Variants in RALYL observed in about 807,000 individuals in gnomAD.
RALYL encodes the protein RALY RNA binding protein like, also known as RNA-binding Raly-like protein.
Under a neutral mutation model 35.1 loss-of-function variants are expected in RALYL, and 29 were observed. The observed-to-expected ratio is 0.83, with a 90% CI of 0.61 to 1.13. The LOEUF (loss-of-function observed/expected upper bound fraction) is 1.13. Ranked by LOEUF, RALYL falls within the 50% of genes most tolerant of loss-of-function variation. The pLI is 0.00. For missense variants in RALYL, 359 were observed against 360.4 expected (o/e 1.00, Z 0.03); for synonymous variants, 120 against 127.6 (o/e 0.94, Z 0.40).
rs371984358 is a variant in RALYL at position 84,823,406 on chromosome 8, T to C, written c.365+18604T>C. Among the ~76,000 whole-genome samples, 107 of 152,252 alleles carry C rather than the reference T, an allele frequency of 7.0e-4. 2 individuals are homozygous for C. The highest frequency in any genetic ancestry group is 2.4e-3 in the African/African-American group (100 of 41,568). ...AACATAAGTCATTCCTTGAAGACTC[T>C]TGAAAGAGAGGAAATAAAAGGCTGC... On this transcript the variant is annotated intron_variant, in intron 4 of 8. Transcript: ENST00000521268.
chr8:84,707,059 C>G lies in RALYL; in HGVS notation c.257-67520C>G, dbSNP rs550044053. Among the ~76,000 whole-genome samples, 4 of 152,140 alleles carry G rather than the reference C, an allele frequency of 2.6e-5. No homozygotes were observed. The South Asian group carries it at 6.2e-4, about 24-fold the overall frequency. On this transcript the variant is annotated intron_variant, in intron 2 of 8. Transcript: ENST00000521268. ...CAGTCACAATTATCCTATCAAAAAG[C>G]CAATAAATCATATAAAGATAATTTT...
rs562400008 is a variant in RALYL, at chr8:84,339,518, C to T, written c.-24+155094C>T. On this transcript the variant is annotated intron_variant, in intron 1 of 8. Transcript: ENST00000521268. ...TAGTTGCAGGAAAACAAGCTGTGGG[C>T]TCCCACTGATTCTACATTATGGTGA... is the stretch of plus-strand genomic sequence containing the variant. 1.1e-3 allele frequency among the ~76,000 whole-genome samples: 166 copies of T among 151,818 alleles called. 1 individual carries two copies. Among genetic ancestry groups the T allele is most frequent in the African/African-American group, 3.8e-3 (158 of 41,418 alleles).
chr8:84,456,134 G>A (rs2050106859), intron 1 of RALYL, among the ~76,000 whole-genome samples: 1 of 152,038 alleles, frequency 6.6e-6, no homozygotes, highest in Admixed American at 6.6e-5. Flanking sequence ...CAATGGGGCA[G>A]AGAGACAAGC....
chr8:84,866,826 G>A (rs1449012530), intron 6 of RALYL, among the ~76,000 whole-genome samples: 1 of 152,082 alleles, frequency 6.6e-6, no homozygotes, highest in African/African-American at 2.4e-5. Flanking sequence ...TGGGTAAAAG[G>A]ATAATGAAAA....
chr8:84,673,253 T>A (rs1298036729), intron 2 of RALYL, among the ~76,000 whole-genome samples: 1 of 152,220 alleles, frequency 6.6e-6, no homozygotes, highest in African/African-American at 2.4e-5. Flanking sequence ...AAGTTACTTG[T>A]AGATGCTGAA....
At chr8:84,348,493 A>G (rs1219152270) in intron 1 of RALYL, among the ~76,000 whole-genome samples, 3 of 152,076 alleles carry the variant, frequency 2.0e-5, no homozygotes, top group African/African-American at 4.8e-5. Flanking sequence ...ATCACTTTAC[A>G]AAGTGGGTTA....
intron 2 of RALYL, among the ~76,000 whole-genome samples, chr8:84,621,881 A>C (rs1821593840): frequency 6.6e-6 from 1 of 152,174 alleles, no homozygotes; most frequent in Admixed American, 6.5e-5. Flanking sequence ...GTGCTAATTT[A>C]GCCATTATTT....
chr8:84,201,411 G>A (rs1376685004), intron 1 of RALYL, among the ~76,000 whole-genome samples: 1 of 152,096 alleles, frequency 6.6e-6, no homozygotes, highest in East Asian at 1.9e-4. Flanking sequence ...GGTCTTTCAA[G>A]GTATGTCTCT....
At chr8:84,251,300 A>G (rs905640494) in intron 1 of RALYL, among the ~76,000 whole-genome samples, 4 of 152,220 alleles carry the variant, frequency 2.6e-5, no homozygotes, top group South Asian at 2.1e-4. Flanking sequence ...TTTCCATTCT[A>G]TTTCTGCAAA....
chr8:84,610,197 A>G (rs904011526), intron 2 of RALYL, among the ~76,000 whole-genome samples: 6 of 152,058 alleles, frequency 3.9e-5, no homozygotes, highest in Non-Finnish European at 7.4e-5. Flanking sequence ...TGTCTTTTTT[A>G]TGTTCCGGGA....
intron 8 of RALYL, chr8:84,907,034 C>T: frequency 1.1e-6 from 1 of 891,616 alleles, no homozygotes; most frequent in Non-Finnish European, 1.3e-6. Context: ...GAATTCTTTT[C>T]ACCTGGAATC....
chr8:84,652,256 G>A (rs975709436), intron 2 of RALYL, among the ~76,000 whole-genome samples: 2 of 152,054 alleles, frequency 1.3e-5, no homozygotes, highest in African/African-American at 2.4e-5. Context: ...TAAAAACTTA[G>A]AAATTATCTC....
At chr8:84,509,116 A>G (rs189894724) in intron 1 of RALYL, among the ~76,000 whole-genome samples, 250 of 152,298 alleles carry the variant, frequency 1.6e-3, no homozygotes, top group African/African-American at 5.9e-3. Context: ...ATTCCTAAAA[A>G]TAATACCTTG....
At chr8:84,214,122 T>C (rs569890830) in intron 1 of RALYL, among the ~76,000 whole-genome samples, 71 of 152,232 alleles carry the variant, frequency 4.7e-4, no homozygotes, top group African/African-American at 1.5e-3. Context: ...GGCCAATTAT[T>C]TATAGAATAT....
intron 2 of RALYL, among the ~76,000 whole-genome samples, chr8:84,636,008 C>T (rs1481477461): frequency 6.6e-6 from 1 of 151,754 alleles, no homozygotes; most frequent in Non-Finnish European, 1.5e-5. Flanking sequence ...TTTGGTTCTT[C>T]CATTCTGTCC....
At chr8:84,667,089 TTC>T (rs1832225410) in intron 2 of RALYL, among the ~76,000 whole-genome samples, 1 of 152,124 alleles carries the variant, frequency 6.6e-6, no homozygotes, top group African/African-American at 2.4e-5. Flanking sequence ...TTTTTCTCTT[TTC>T]TGTTTTGCCA....
At chr8:84,506,203 C>G (rs904542518) in intron 1 of RALYL, among the ~76,000 whole-genome samples, 1 of 152,068 alleles carries the variant, frequency 6.6e-6, no homozygotes, top group Non-Finnish European at 1.5e-5. Context: ...TTGCCTTCAT[C>G]TCCACTGCAG....
At chr8:84,701,657 G>C (rs528424168) in intron 2 of RALYL, among the ~76,000 whole-genome samples, 8 of 152,240 alleles carry the variant, frequency 5.3e-5, no homozygotes, top group Middle Eastern at 6.8e-3. Context: ...GGAAGAGAGG[G>C]GGTGAGGTGA....
At chr8:84,689,016 A>T (rs1480089592) in intron 2 of RALYL, among the ~76,000 whole-genome samples, 1 of 152,068 alleles carries the variant, frequency 6.6e-6, no homozygotes, top group Non-Finnish European at 1.5e-5. Context: ...CCGCAATAAG[A>T]TATTAACTCA....
Sources: gnomAD v4.1 joint callset for allele counts (sites outside exome capture counted in the v4.1 genomes callset) on GRCh38, gnomAD v4.1.1 for gene constraint, MANE v1.5 for transcripts, NCBI Gene and HGNC (gene_info 2026-07-23, HGNC 2026-07-21) for gene names.